The following ADCY2 variants were observed in gnomAD, a reference collection of about 807,000 sequenced individuals.
The protein encoded by ADCY2 is adenylate cyclase type 2.
In ADCY2, 31 loss-of-function variants were observed where a neutral mutation model predicts 125.2. The observed-to-expected ratio is 0.25, with a 90% confidence interval of 0.19 to 0.33. The LOEUF (loss-of-function observed/expected upper bound fraction) is 0.33, where lower values mean the gene tolerates loss of function less well. Ranked by LOEUF, ADCY2 falls within the 10% of genes least tolerant of loss-of-function variation. ADCY2 has a pLI of 1.00. For synonymous variants in ADCY2, 512 were observed against 548.4 expected (o/e 0.93, Z 0.93); for missense variants, 904 against 1,418.2 (o/e 0.64, Z 5.82).
Position 7,665,828 on chromosome 5 carries a change from C to CTTTTTTTTTTTTTTTTTTTTTT in ADCY2, c.721-24856_721-24835dup, listed in dbSNP as rs70940750. ...TGTTTTGTTTTTTTTTAATTTAATTCTTTTTTTTTTTTTTTTTTTTTTTTT... is the reference window on the plus strand; with the variant it reads ...TGTTTTGTTTTTTTTTAATTTAATTCTTTTTTTTTTTTTTTTTTTTTTTTTTTTTTTTTTTTTTTTTTTTTTT... On this transcript the variant is annotated intron_variant, in intron 4 of 24. Transcript: ENST00000338316. Among the ~76,000 whole-genome samples, 3 of 38,618 alleles carry CTTTTTTTTTTTTTTTTTTTTTT rather than the reference C, an allele frequency of 7.8e-5. 1 individual carries two copies. The highest frequency in any genetic ancestry group is 1.0e-4 in the African/African-American group (1 of 9,614). 25.3% of individuals were successfully genotyped at this position (38,618 alleles called of 152,430 possible).
rs746105553 is a variant in ADCY2 at position 7,454,360 on chromosome 5, G to A, written c.408+39590G>A. On this transcript the variant is annotated intron_variant, in intron 2 of 24. Coordinates refer to ENST00000338316, the MANE Select transcript of ADCY2 (RefSeq NM_020546.3). Reference sequence around the variant, plus strand: ...TATGCACTGGGAAACTAAAAAATTGGTGCGACTCACTTTATTTCGGCATTC... The same window carrying A: ...TATGCACTGGGAAACTAAAAAATTGATGCGACTCACTTTATTTCGGCATTC... Among the ~76,000 whole-genome samples, 27 of 152,088 alleles carry A rather than the reference G, an allele frequency of 1.8e-4. 1 individual carries two copies. Among genetic ancestry groups the A allele is most frequent in the Non-Finnish European group, 3.2e-4 (22 of 68,034 alleles).
At chr5:7,679,742 G>A (rs1740266753) in intron 4 of ADCY2, among the ~76,000 whole-genome samples, 1 of 152,214 alleles carries the variant, frequency 6.6e-6, no homozygotes, top group Non-Finnish European at 1.5e-5. Context: ...ACAGCTTTTG[G>A]AGGGAAGGTG....
chr5:7,460,803 G>A lies in ADCY2; in HGVS notation c.408+46033G>A, dbSNP rs943542633. ...TTTCTTCCTTTAGACGAAGGGCAGG[G>A]AGGAGACACAACCTTGCAAGTAGTT... On this transcript the variant is annotated intron_variant, in intron 2 of 24. Transcript: ENST00000338316. Among the ~76,000 whole-genome samples the A allele has an allele frequency of 1.1e-4, 16 of 152,316 alleles. No individual in the cohort carries two copies. In the South Asian group the frequency reaches 1.7e-3, roughly 16 times the overall value.
At chr5:7,666,260 A>G (rs1739721025) in intron 4 of ADCY2, among the ~76,000 whole-genome samples, 1 of 151,810 alleles carries the variant, frequency 6.6e-6, no homozygotes, top group African/African-American at 2.4e-5. Context: ...CCAGGAGGAA[A>G]GGAACTAGCA....
chr5:7,754,811 C>T (rs909629398), intron 15 of ADCY2, among the ~76,000 whole-genome samples: 4 of 151,742 alleles, frequency 2.6e-5, no homozygotes, highest in South Asian at 2.1e-4. Context: ...GAGCAGAGAT[C>T]GTGCCATTGA....
intron 22 of ADCY2, among the ~76,000 whole-genome samples, chr5:7,805,295 C>T (rs115858008): frequency 0.018 from 2,730 of 151,986 alleles, 96 homozygotes; most frequent in African/African-American, 0.063. Flanking sequence ...CACTCCAGCC[C>T]GTGTGACAGA....
chr5:7,672,663 C>T (rs1560171), intron 4 of ADCY2, among the ~76,000 whole-genome samples: 115,627 of 152,134 alleles, frequency 0.76, 44,664 homozygotes, highest in South Asian at 0.84. Flanking sequence ...CCACTTCTGG[C>T]TGATGTTTTA....
At chr5:7,789,110 A>G (rs1022713391) in intron 19 of ADCY2, among the ~76,000 whole-genome samples, 1 of 152,244 alleles carries the variant, frequency 6.6e-6, no homozygotes, top group Non-Finnish European at 1.5e-5. Context: ...AACGAATGGC[A>G]TTCTGTCAGA....
intron 2 of ADCY2, among the ~76,000 whole-genome samples, chr5:7,437,252 C>T (rs1371385891): frequency 6.6e-6 from 1 of 152,216 alleles, no homozygotes. Flanking sequence ...CCTCAAGCTA[C>T]TACAGAGCTA....
At chr5:7,703,226 T>C (rs1741149004) in intron 7 of ADCY2, among the ~76,000 whole-genome samples, 1 of 152,224 alleles carries the variant, frequency 6.6e-6, no homozygotes, top group African/African-American at 2.4e-5. Context: ...AGAAGCTCTT[T>C]AATTAGATCC....
chr5:7,641,418 G>C (rs1738710476), intron 4 of ADCY2, among the ~76,000 whole-genome samples: 1 of 152,072 alleles, frequency 6.6e-6, no homozygotes, highest in South Asian at 2.1e-4. Context: ...AAGATGTGAA[G>C]CTGTTTTTTC....
At chr5:7,462,366 C>T (rs1481979007) in intron 2 of ADCY2, among the ~76,000 whole-genome samples, 3 of 152,152 alleles carry the variant, frequency 2.0e-5, no homozygotes, top group Non-Finnish European at 4.4e-5. Context: ...GTTTTTCCGC[C>T]ACTGATTGAT....
At chr5:7,770,387 GCT>G (rs1477881954) in intron 17 of ADCY2, among the ~76,000 whole-genome samples, 1 of 152,072 alleles carries the variant, frequency 6.6e-6, no homozygotes, top group Non-Finnish European at 1.5e-5. Context: ...TCCTTATTCT[GCT>G]CTCTCATTCG....
intron 24 of ADCY2, among the ~76,000 whole-genome samples, chr5:7,825,305 C>CGCCATAAAACTGCTGTGT (rs1468263197): frequency 6.6e-6 from 1 of 150,816 alleles, no homozygotes; most frequent in South Asian, 2.1e-4. Context: ...CGCTGCTGTG[C>CGCCATAAAACTGCTGTGT]GCCATAAAAC....
At chr5:7,580,051 G>A (rs61343018) in intron 3 of ADCY2, among the ~76,000 whole-genome samples, 2,054 of 152,238 alleles carry the variant, frequency 0.013, 42 homozygotes, top group African/African-American at 0.047. Flanking sequence ...GTAATAAGTG[G>A]GAGCTAAACA....
chr5:7,777,561 T>G (rs996115209), intron 18 of ADCY2, among the ~76,000 whole-genome samples: 3 of 152,210 alleles, frequency 2.0e-5, no homozygotes, highest in Admixed American at 6.5e-5. Context: ...TTTATATCTT[T>G]ATATTTCAAA....
chr5:7,555,136 T>C (rs1392286207), intron 3 of ADCY2, among the ~76,000 whole-genome samples: 1 of 152,232 alleles, frequency 6.6e-6, no homozygotes, highest in African/African-American at 2.4e-5. Context: ...TTGACAATCA[T>C]GTATCCAACT....
At chr5:7,535,724 T>A (rs756596223) in intron 3 of ADCY2, among the ~76,000 whole-genome samples, 6 of 152,326 alleles carry the variant, frequency 3.9e-5, no homozygotes, top group South Asian at 2.1e-4. Context: ...ACGAAGGTGA[T>A]TGAAACAATA....
Position 7,810,312 on chromosome 5 carries a change from G to T in ADCY2, c.2883+5620G>T, listed in dbSNP as rs189803419. Among the ~76,000 whole-genome samples the T allele has an allele frequency of 2.0e-4, 31 of 151,926 alleles. No homozygotes were observed. In the East Asian group the frequency reaches 5.9e-3, roughly 29 times the overall value. On this transcript the variant is annotated intron_variant, in intron 22 of 24. Transcript: ENST00000338316. The stretch of plus-strand genomic sequence containing the variant: ...TGAATGGTGGGTTATCTACCTGATT[G>T]GTGGGTTATCTGCTTGAATGGTGGG...
Sources: gnomAD v4.1 joint callset for allele counts (sites outside exome capture counted in the v4.1 genomes callset) on GRCh38, gnomAD v4.1.1 for gene constraint, MANE v1.5 for transcripts, NCBI Gene and HGNC (gene_info 2026-07-23, HGNC 2026-07-21) for gene names.